RIGI: variants seen among roughly 807,000 people sequenced by gnomAD.
RIGI encodes RNA sensor RIG-I, also known as antiviral innate immune response receptor RIG-I.
At chr9:32,493,090 A>G in the RIGI span, among the ~76,000 whole-genome samples, 1 of 152,358 alleles carries the variant, frequency 6.6e-6, no homozygotes, top group South Asian at 2.1e-4. Context: ...ATAGATATTC[A>G]GAGAAACTAA....
the RIGI span, chr9:32,485,113 A>G: frequency 1.6e-6 from 2 of 1,222,694 alleles, no homozygotes; most frequent in African/African-American, 1.5e-5. Context: ...CAAAAAGACG[A>G]TAGTGAACAA....
At chr9:32,520,625 C>T in the RIGI span, among the ~76,000 whole-genome samples, 2 of 152,198 alleles carry the variant, frequency 1.3e-5, no homozygotes, top group South Asian at 2.1e-4. Context: ...AAGGTGAGCA[C>T]GTGAGCTTGT....
the RIGI span, among the ~76,000 whole-genome samples, chr9:32,524,921 G>C: frequency 1.3e-5 from 2 of 148,292 alleles, no homozygotes; most frequent in African/African-American, 5.0e-5. Flanking sequence ...CATTCCGCTG[G>C]AGGCTATATG....
the RIGI span, among the ~76,000 whole-genome samples, chr9:32,482,638 A>G: frequency 2.0e-5 from 3 of 152,124 alleles, no homozygotes; most frequent in Non-Finnish European, 2.9e-5. Flanking sequence ...AGGCGGGTGG[A>G]TCACGAGGTC....
the RIGI span, among the ~76,000 whole-genome samples, chr9:32,504,747 T>C: frequency 1.4e-5 from 2 of 138,718 alleles, no homozygotes; most frequent in African/African-American, 5.5e-5. Flanking sequence ...ATTTAATACA[T>C]AAAATATATA....
chr9:32,471,207 G>A, the RIGI span, among the ~76,000 whole-genome samples: 988 of 152,328 alleles, frequency 6.5e-3, 36 homozygotes, highest in Admixed American at 0.058. Context: ...AGCTGAGTTC[G>A]TGCCACTGCA....
the RIGI span, among the ~76,000 whole-genome samples, chr9:32,509,168 C>T: frequency 1.3e-5 from 2 of 152,154 alleles, no homozygotes; most frequent in African/African-American, 4.8e-5. Flanking sequence ...CAGCTGTGGG[C>T]ACAGCTTCAG....
the RIGI span, among the ~76,000 whole-genome samples, chr9:32,504,067 A>ACACACACACACACACACACACACACC: frequency 6.6e-6 from 1 of 151,318 alleles, no homozygotes; most frequent in African/African-American, 2.4e-5. Context: ...ACACACACAC[A>ACACACACACACACACACACACACACC]CCCAGGTCTG....
chr9:32,488,355 CATA>C, the RIGI span: 3 of 749,188 alleles, frequency 4.0e-6, no homozygotes, highest in Non-Finnish European at 6.4e-6. Context: ...GAGCCTGACA[CATA>C]GTAAGAGATC....
the RIGI span, among the ~76,000 whole-genome samples, chr9:32,519,636 T>C: frequency 6.6e-6 from 1 of 152,216 alleles, no homozygotes; most frequent in Admixed American, 6.5e-5. Context: ...TTCAGATCTT[T>C]TCCTTTAATG....
chr9:32,501,234 G>C, the RIGI span, among the ~76,000 whole-genome samples: 2 of 150,912 alleles, frequency 1.3e-5, no homozygotes, highest in African/African-American at 4.9e-5. Flanking sequence ...CCTGCAAAAA[G>C]GGAGAAGTCA....
chr9:32,461,830 TTTA>T, the RIGI span, among the ~76,000 whole-genome samples: 1 of 152,212 alleles, frequency 6.6e-6, no homozygotes, highest in Admixed American at 6.5e-5. Context: ...TTTTCATCTA[TTTA>T]TTATTTTATA....
chr9:32,502,276 G>C, the RIGI span, among the ~76,000 whole-genome samples: 1 of 152,160 alleles, frequency 6.6e-6, no homozygotes, highest in Non-Finnish European at 1.5e-5. Flanking sequence ...TTTGATTTGT[G>C]TCCACATTTT....
the RIGI span, among the ~76,000 whole-genome samples, chr9:32,504,703 T>A: frequency 1.1e-3 from 144 of 135,626 alleles, 1 homozygote; most frequent in African/African-American, 3.1e-3. Flanking sequence ...ATATATATAT[T>A]ATACATTTAA....
the RIGI span, chr9:32,500,962 C>G: frequency 6.2e-7 from 1 of 1,611,016 alleles, no homozygotes; most frequent in Non-Finnish European, 8.5e-7. Context: ...GCAAAAATGA[C>G]TCATCAAACT....
chr9:32,507,223 C>T, the RIGI span, among the ~76,000 whole-genome samples: 1 of 152,070 alleles, frequency 6.6e-6, no homozygotes, highest in Non-Finnish European at 1.5e-5. Flanking sequence ...ACAGAGCCTA[C>T]AAATTTGAAA....
chr9:32,482,908 C>G, the RIGI span, among the ~76,000 whole-genome samples: 3 of 151,896 alleles, frequency 2.0e-5, no homozygotes, highest in East Asian at 5.8e-4. Context: ...CTATGTTCTG[C>G]TTTGCTGTGA....
chr9:32,513,644 A>T, the RIGI span, among the ~76,000 whole-genome samples: 1 of 152,208 alleles, frequency 6.6e-6, no homozygotes, highest in African/African-American at 2.4e-5. Context: ...AACCTAGGCA[A>T]TACCATTCAG....
At chr9:32,472,721 C>T in the RIGI span, among the ~76,000 whole-genome samples, 1 of 152,168 alleles carries the variant, frequency 6.6e-6, no homozygotes, top group African/African-American at 2.4e-5. Flanking sequence ...AAATTCCTTG[C>T]AAGAAATCTC....
Sources: allele counts gnomAD v4.1 joint callset (sites outside exome capture counted in the v4.1 genomes callset), GRCh38; gene constraint gnomAD v4.1.1; transcripts MANE v1.5; gene names NCBI Gene and HGNC (gene_info 2026-07-23, HGNC 2026-07-21).